The following SUGCT variants were observed in gnomAD, a reference collection of about 807,000 sequenced individuals.
SUGCT encodes the protein succinyl-CoA:glutarate-CoA transferase, also known as succinyl-CoA:glutarate CoA-transferase.
SUGCT carries 41 observed loss-of-function variants against 55.0 expected under a neutral mutation model. That is an observed-to-expected ratio of 0.74 (90% CI 0.58 to 0.97). SUGCT has a LOEUF of 0.97. Ranked by LOEUF, SUGCT falls within the 50% of genes least tolerant of loss-of-function variation. The pLI is 0.00. For missense variants in SUGCT, 568 were observed against 547.8 expected, an observed-to-expected ratio of 1.04 and a Z score of -0.37; for synonymous variants, 187 against 200.4, an observed-to-expected ratio of 0.93 and a Z score of 0.56.
intron 1 of SUGCT, among the ~76,000 whole-genome samples, chr7:40,169,008 A>G (rs1294410871): frequency 6.6e-6 from 1 of 152,124 alleles, no homozygotes; most frequent in African/African-American, 2.4e-5. Context: ...TGTACAGCCA[A>G]TAATAATCTC....
intron 13 of SUGCT, among the ~76,000 whole-genome samples, chr7:40,833,374 C>T (rs574487042): frequency 5.3e-5 from 8 of 152,262 alleles, no homozygotes; most frequent in East Asian, 3.9e-4. Context: ...AAGTTCCTTA[C>T]GTGGAAAGTA....
At chr7:40,225,885 C>G (rs1788313009) in intron 6 of SUGCT, among the ~76,000 whole-genome samples, 1 of 152,130 alleles carries the variant, frequency 6.6e-6, no homozygotes, top group Admixed American at 6.6e-5. Flanking sequence ...TCAATTTTCT[C>G]AATAATAATT....
At chr7:40,790,010 T>C (rs1441893835) in intron 13 of SUGCT, among the ~76,000 whole-genome samples, 1 of 152,202 alleles carries the variant, frequency 6.6e-6, no homozygotes, top group African/African-American at 2.4e-5. Flanking sequence ...TATCTGTAAA[T>C]ATTTGAGGAA....
the SUGCT span, among the ~76,000 whole-genome samples, chr7:40,910,620 CAG>C: frequency 5.3e-5 from 8 of 152,266 alleles, no homozygotes; most frequent in African/African-American, 1.7e-4. Context: ...ACCGCTCTGA[CAG>C]TGTTATTTTG....
At chr7:40,617,475 ATGTGTGTGTGTGTGTGTGTGTG>A (rs34487309) in intron 12 of SUGCT, among the ~76,000 whole-genome samples, 19 of 143,562 alleles carry the variant, frequency 1.3e-4, no homozygotes, top group Non-Finnish European at 2.5e-4. Context: ...TTAGATTTAT[ATGTGTGTGTGTGTGTGTGTGTG>A]TGTGTGTGTG....
the SUGCT span, among the ~76,000 whole-genome samples, chr7:40,943,667 T>A: frequency 1.3e-5 from 2 of 149,978 alleles, 1 homozygote; most frequent in South Asian, 4.2e-4. Flanking sequence ...ATTTTCTTAA[T>A]CCAGTCTATC....
intron 12 of SUGCT, among the ~76,000 whole-genome samples, chr7:40,709,790 T>G (rs1282068987): frequency 6.6e-6 from 1 of 152,208 alleles, no homozygotes; most frequent in Non-Finnish European, 1.5e-5. Flanking sequence ...AACTTCAGTT[T>G]CAGAATCACT....
chr7:40,411,764 A>C (rs550791522), intron 9 of SUGCT, among the ~76,000 whole-genome samples: 1 of 152,304 alleles, frequency 6.6e-6, no homozygotes, highest in East Asian at 1.9e-4. Flanking sequence ...ATAGCTAGAC[A>C]GGATTAATTT....
Position 40,422,482 on chromosome 7 carries a change from C to T in SUGCT, c.817-26805C>T, listed in dbSNP as rs946185897. Among the ~76,000 whole-genome samples, 4 of 152,088 alleles carry T rather than the reference C, an allele frequency of 2.6e-5. No homozygotes were observed. In the South Asian group the frequency reaches 8.3e-4, roughly 32 times the overall value. On this transcript the variant is annotated intron_variant, in intron 9 of 13. Transcript: ENST00000335693. The stretch of plus-strand genomic sequence containing the variant: ...AGCCTCATTTCCCACTATCTTTCAT[C>T]CTTTTGTCTGGCATTGTATATGCCA...
At chr7:40,293,515 A>G (rs1793921722) in intron 8 of SUGCT, among the ~76,000 whole-genome samples, 1 of 152,214 alleles carries the variant, frequency 6.6e-6, no homozygotes, top group South Asian at 2.1e-4. Flanking sequence ...AGAATAATTC[A>G]TGAACTTATG....
At chr7:40,379,637 A>G (rs1050883092) in intron 9 of SUGCT, among the ~76,000 whole-genome samples, 1 of 152,160 alleles carries the variant, frequency 6.6e-6, no homozygotes, top group Non-Finnish European at 1.5e-5. Flanking sequence ...TCAGATAATA[A>G]TTTGACAGAG....
chr7:40,477,812 G>GCTT (rs1266578561), intron 11 of SUGCT, among the ~76,000 whole-genome samples: 1 of 152,114 alleles, frequency 6.6e-6, no homozygotes, highest in African/African-American at 2.4e-5. Context: ...CTGGCGTGTT[G>GCTT]CTTTCCATTA....
chr7:40,932,926 A>T, the SUGCT span, among the ~76,000 whole-genome samples: 2 of 152,034 alleles, frequency 1.3e-5, no homozygotes, highest in African/African-American at 2.4e-5. Flanking sequence ...CATTTAGCAC[A>T]TTTACATTTA....
intron 8 of SUGCT, among the ~76,000 whole-genome samples, chr7:40,283,521 G>A (rs775155954): frequency 2.0e-5 from 3 of 152,108 alleles, no homozygotes; most frequent in Non-Finnish European, 4.4e-5. Flanking sequence ...GAGCCACCGC[G>A]CCTGGCCAGA....
intron 9 of SUGCT, among the ~76,000 whole-genome samples, chr7:40,359,530 C>A (rs1402938408): frequency 6.6e-6 from 1 of 152,120 alleles, no homozygotes; most frequent in Non-Finnish European, 1.5e-5. Context: ...TACAGTAAGA[C>A]TGGACCTGAC....
At chr7:40,775,565 T>G (rs950565147) in intron 13 of SUGCT, 1 of 152,252 alleles carries the variant, frequency 6.6e-6, no homozygotes, top group Non-Finnish European at 1.5e-5. Context: ...TTTTACAGAT[T>G]AGAAAATTAA....
intron 12 of SUGCT, among the ~76,000 whole-genome samples, chr7:40,521,947 G>A (rs547423011): frequency 6.6e-6 from 1 of 152,154 alleles, no homozygotes; most frequent in South Asian, 2.1e-4. Flanking sequence ...TTCTCGGCTG[G>A]ATATTTACTC....
At chr7:40,884,751 G>A in the SUGCT span, among the ~76,000 whole-genome samples, 1 of 152,332 alleles carries the variant, frequency 6.6e-6, no homozygotes, top group East Asian at 1.9e-4. Context: ...ATTCTAAAGA[G>A]TGCAATGGAG....
intron 12 of SUGCT, among the ~76,000 whole-genome samples, chr7:40,668,552 A>T (rs1801768117): frequency 6.6e-6 from 1 of 152,202 alleles, no homozygotes; most frequent in Non-Finnish European, 1.5e-5. Context: ...TCTGCTAAGT[A>T]AAAACGAAAA....
Sources: gnomAD v4.1 joint callset for allele counts (sites outside exome capture counted in the v4.1 genomes callset) on GRCh38, gnomAD v4.1.1 for gene constraint, MANE v1.5 for transcripts, NCBI Gene and HGNC (gene_info 2026-07-23, HGNC 2026-07-21) for gene names.